MGAT4C: variants seen among roughly 807,000 people sequenced by gnomAD.
The protein encoded by MGAT4C is MGAT4 family member C.
MGAT4C carries 19 observed loss-of-function variants against 40.1 expected under a neutral mutation model. The ratio of observed to expected loss-of-function variants is 0.47; its 90% confidence interval spans 0.33 to 0.70. MGAT4C has a LOEUF of 0.70. Among genes scored for constraint, MGAT4C ranks in the 30% least tolerant of loss-of-function variants. The pLI, the probability that MGAT4C is intolerant of heterozygous loss-of-function variation, is 0.02. For missense variants in MGAT4C, 491 were observed against 563.2 expected (o/e 0.87, Z 1.30); for synonymous variants, 181 against 187.1 (o/e 0.97, Z 0.27).
chr12:86,140,130 CTTCCTGGAACTCTTTAATTCTACCTG>C (rs376045724), intron 1 of MGAT4C, among the ~76,000 whole-genome samples: 6 of 152,126 alleles, frequency 3.9e-5, no homozygotes, highest in African/African-American at 1.4e-4. Flanking sequence ...TGATAAACTT[CTTCCTGGAACTCTTTAATTCTACCTG>C]TTCCTCTGAT....
At chr12:86,714,283 A>G (rs1950606356) in intron 2 of MGAT4C, among the ~76,000 whole-genome samples, 1 of 152,106 alleles carries the variant, frequency 6.6e-6, no homozygotes, top group South Asian at 2.1e-4. Context: ...GAAGACAAGT[A>G]TACTAATGTT....
chr12:85,983,719 A>G (rs774466449), intron 3 of MGAT4C, 49 bp from the exon 4 acceptor site: 1 of 1,394,472 alleles, frequency 7.2e-7, no homozygotes, highest in Admixed American at 2.5e-5. Context: ...ATAGATGGTC[A>G]TGGATTAAAT....
chr12:86,338,784 A>AC (rs1954841349), intron 3 of MGAT4C, among the ~76,000 whole-genome samples: 1 of 151,712 alleles, frequency 6.6e-6, no homozygotes, highest in Non-Finnish European at 1.5e-5. Flanking sequence ...ACATCGTGAA[A>AC]CCCCATCTCT....
intron 2 of MGAT4C, among the ~76,000 whole-genome samples, chr12:86,453,241 T>C (rs1217312460): frequency 2.6e-5 from 4 of 152,134 alleles, no homozygotes; most frequent in Non-Finnish European, 5.9e-5. Context: ...GTTAGTTTGG[T>C]TCATTAATAA....
chr12:86,091,160 T>TA (rs912443215), intron 1 of MGAT4C, among the ~76,000 whole-genome samples: 2 of 151,862 alleles, frequency 1.3e-5, no homozygotes, highest in African/African-American at 2.4e-5. Flanking sequence ...TATTTTAAAA[T>TA]AAAAAAATGT....
intron 3 of MGAT4C, among the ~76,000 whole-genome samples, chr12:86,428,485 T>A (rs1347607128): frequency 6.6e-6 from 1 of 152,200 alleles, no homozygotes; most frequent in Non-Finnish European, 1.5e-5. Context: ...AGTGGTGGGA[T>A]CACAGACATG....
At chr12:86,149,643 CAAAG>C (rs750855676) in intron 1 of MGAT4C, among the ~76,000 whole-genome samples, 1 of 152,044 alleles carries the variant, frequency 6.6e-6, no homozygotes, top group Non-Finnish European at 1.5e-5. Context: ...TCTTAACTGA[CAAAG>C]AAAGCTGTAA....
At chr12:85,998,665 G>A (rs2136761821) in intron 2 of MGAT4C, among the ~76,000 whole-genome samples, 1 of 152,230 alleles carries the variant, frequency 6.6e-6, no homozygotes, top group Non-Finnish European at 1.5e-5. Flanking sequence ...CATAACAAGA[G>A]TCACTTTTGC....
chr12:86,369,590 T>C (rs892615772), intron 3 of MGAT4C, among the ~76,000 whole-genome samples: 1 of 152,040 alleles, frequency 6.6e-6, no homozygotes, highest in African/African-American at 2.4e-5. Flanking sequence ...TTCAATCACA[T>C]GCAGTAATTC....
intron 1 of MGAT4C, among the ~76,000 whole-genome samples, chr12:86,835,678 C>T (rs371316470): frequency 2.0e-5 from 3 of 151,812 alleles, no homozygotes; most frequent in Admixed American, 6.6e-5. Flanking sequence ...ATTAGATAAC[C>T]GTATAGAATA....
chr12:86,676,832 T>G (rs973743764), intron 2 of MGAT4C, among the ~76,000 whole-genome samples: 2 of 152,146 alleles, frequency 1.3e-5, no homozygotes, highest in Non-Finnish European at 1.5e-5. Flanking sequence ...GAAATAAGTT[T>G]ATAAGATATT....
chr12:86,777,982 A>G (rs1951772915), intron 1 of MGAT4C, among the ~76,000 whole-genome samples: 1 of 152,182 alleles, frequency 6.6e-6, no homozygotes, highest in Non-Finnish European at 1.5e-5. Flanking sequence ...ATTAACATTT[A>G]TTTCCTTATT....
At chr12:86,351,448 C>A (rs1183796709) in intron 3 of MGAT4C, among the ~76,000 whole-genome samples, 2 of 151,906 alleles carry the variant, frequency 1.3e-5, no homozygotes, top group African/African-American at 4.8e-5. Context: ...GAGAGATTGT[C>A]AAATACATTT....
At chr12:86,618,396 C>T (rs1055915746) in intron 2 of MGAT4C, among the ~76,000 whole-genome samples, 2 of 152,086 alleles carry the variant, frequency 1.3e-5, no homozygotes, top group South Asian at 4.1e-4. Flanking sequence ...ATTGCCACAC[C>T]ATTCAAAATA....
At chr12:86,373,556 G>A (rs965266060) in intron 3 of MGAT4C, among the ~76,000 whole-genome samples, 2 of 151,704 alleles carry the variant, frequency 1.3e-5, no homozygotes, top group Admixed American at 6.6e-5. Context: ...GTATCCCAGA[G>A]CAGATTAAAG....
chr12:86,114,155 G>C (rs1014443856), intron 1 of MGAT4C, among the ~76,000 whole-genome samples: 2 of 151,792 alleles, frequency 1.3e-5, no homozygotes, highest in African/African-American at 4.8e-5. Flanking sequence ...CCTGATGATT[G>C]ATTTTTGTGT....
chr12:86,142,722 GTT>G (rs560536731), intron 1 of MGAT4C, among the ~76,000 whole-genome samples: 2 of 141,772 alleles, frequency 1.4e-5, no homozygotes, highest in East Asian at 2.1e-4. Context: ...TTTTTTTTTT[GTT>G]TTTTTTGTGG....
chr12:86,268,672 TATATATAC>T (rs960996254), intron 4 of MGAT4C, among the ~76,000 whole-genome samples: 27 of 146,914 alleles, frequency 1.8e-4, no homozygotes, highest in African/African-American at 4.9e-4. Flanking sequence ...TACATATATA[TATATATAC>T]ATATATACAT....
At chr12:86,284,877 A>G (rs1432396794) in intron 4 of MGAT4C, among the ~76,000 whole-genome samples, 1 of 152,014 alleles carries the variant, frequency 6.6e-6, no homozygotes, top group African/African-American at 2.4e-5. Context: ...CTGAGAGCAT[A>G]TGTCATCTGC....
Sources: allele counts gnomAD v4.1 joint callset (sites outside exome capture counted in the v4.1 genomes callset), GRCh38; gene constraint gnomAD v4.1.1; transcripts MANE v1.5; gene names NCBI Gene and HGNC (gene_info 2026-07-23, HGNC 2026-07-21).